Variants in CNTNAP3B observed in about 807,000 individuals in gnomAD.
CNTNAP3B encodes the protein contactin-associated protein-like 3B.
A neutral mutation model predicts 108.9 loss-of-function variants in CNTNAP3B; 25 were observed. The observed-to-expected ratio is 0.23, with a 90% CI of 0.17 to 0.32. The LOEUF is 0.32. Ranked by LOEUF, CNTNAP3B falls within the 10% of genes least tolerant of loss-of-function variation. CNTNAP3B has a pLI of 1.00. For synonymous variants in CNTNAP3B, 103 were observed against 473.4 expected (o/e 0.22, Z 10.16); for missense variants, 252 against 1,210.4 (o/e 0.21, Z 11.75).
At chr9:41,950,980 T>G in intron 13 of CNTNAP3B, among the ~76,000 whole-genome samples, 1 of 134,660 alleles carries the variant, frequency 7.4e-6, no homozygotes, top group African/African-American at 2.8e-5. Flanking sequence ...TGGTCTGATT[T>G]CCTGACCTCG....
chr9:41,926,253 G>C (rs1165249214), intron 15 of CNTNAP3B, among the ~76,000 whole-genome samples: 1 of 152,062 alleles, frequency 6.6e-6, no homozygotes, highest in African/African-American at 2.4e-5. Context: ...CCCCAGTGTG[G>C]AACCTAGCTT....
At chr9:41,934,214 CAT>C (rs1297909390) in intron 14 of CNTNAP3B, among the ~76,000 whole-genome samples, 9 of 123,966 alleles carry the variant, frequency 7.3e-5, no homozygotes, top group African/African-American at 1.7e-4. Context: ...CACACACACA[CAT>C]ACTTTTTTTT....
intron 12 of CNTNAP3B, among the ~76,000 whole-genome samples, chr9:41,959,456 C>A (rs1319498004): frequency 1.3e-5 from 2 of 152,290 alleles, no homozygotes; most frequent in South Asian, 4.1e-4. Context: ...AGATACTTCC[C>A]TAACCAACTT....
At chr9:42,046,210 TA>T (rs1229993900) in intron 3 of CNTNAP3B, among the ~76,000 whole-genome samples, 1 of 105,142 alleles carries the variant, frequency 9.5e-6, no homozygotes, top group Non-Finnish European at 1.9e-5. Flanking sequence ...CACCTACTTA[TA>T]AACTGAGGGA....
intron 3 of CNTNAP3B, among the ~76,000 whole-genome samples, chr9:42,064,269 A>G (rs1347187012): frequency 6.7e-6 from 1 of 149,888 alleles, no homozygotes; most frequent in Non-Finnish European, 1.5e-5. Flanking sequence ...AGTTCTGGAG[A>G]CTGGGATGCT....
chr9:42,109,008 A>G (rs1006303283), intron 1 of CNTNAP3B, among the ~76,000 whole-genome samples: 4 of 139,554 alleles, frequency 2.9e-5, no homozygotes, highest in Admixed American at 2.8e-4. Flanking sequence ...ATGAATATGA[A>G]ATGATTAAAA....
intron 11 of CNTNAP3B, among the ~76,000 whole-genome samples, chr9:41,963,595 GTTGGTTACAAGAGA>G (rs1825171797): frequency 6.6e-6 from 1 of 151,460 alleles, no homozygotes; most frequent in African/African-American, 2.4e-5. Context: ...CATGAGGAAG[GTTGGTTACAAGAGA>G]CTCGGGGCCC....
chr9:41,948,034 GA>G (rs201395297), intron 13 of CNTNAP3B, among the ~76,000 whole-genome samples: 1 of 148,358 alleles, frequency 6.7e-6, no homozygotes, highest in Non-Finnish European at 1.5e-5. Context: ...TAAAATTACT[GA>G]AAAAAAATCT....
intron 1 of CNTNAP3B, among the ~76,000 whole-genome samples, chr9:42,115,902 C>T (rs1454587623): frequency 7.9e-6 from 1 of 127,072 alleles, no homozygotes; most frequent in Non-Finnish European, 1.6e-5. Context: ...TTCAGATGAT[C>T]GGTAATAACA....
Position 42,079,896 on chromosome 9 carries a change from T to C in CNTNAP3B, c.197-2834A>G, listed in dbSNP as rs1006395386. ...AGCCAACCCATCATCTTAGGCTGGA[T>C]GTTGTACATTGGGAATTTTATACAC... On this transcript the variant is annotated intron_variant, in intron 2 of 23. Transcript: ENST00000377561. Among the ~76,000 whole-genome samples the C allele has an allele frequency of 5.3e-5, 7 of 132,846 alleles. 1 individual carries two copies. Among genetic ancestry groups the C allele is most frequent in the African/African-American group, 2.1e-4 (7 of 32,610 alleles). 87.2% of individuals were successfully genotyped at this position (132,846 alleles called of 152,430 possible). A position where few individuals can be genotyped will look rare whatever the true frequency, so the allele number is the denominator to read the frequency against.
chr9:42,044,483 G>C (rs1472194232), intron 3 of CNTNAP3B, among the ~76,000 whole-genome samples: 2 of 128,140 alleles, frequency 1.6e-5, no homozygotes, highest in African/African-American at 6.1e-5. Context: ...CCTTTTATGG[G>C]GATTCTTATC....
intron 10 of CNTNAP3B, among the ~76,000 whole-genome samples, chr9:41,967,533 A>G (rs1316364983): frequency 6.6e-6 from 1 of 152,258 alleles, no homozygotes; most frequent in African/African-American, 2.4e-5. Context: ...ATACAATTAG[A>G]TTTTTGTTTG....
chr9:41,941,672 A>C (rs1320860649), intron 13 of CNTNAP3B, among the ~76,000 whole-genome samples: 1 of 139,862 alleles, frequency 7.1e-6, no homozygotes, highest in Non-Finnish European at 1.5e-5. Flanking sequence ...GGCAAACATT[A>C]CTCCTAAAGC....
rs1230227074 is a variant in CNTNAP3B at position 42,076,956 on chromosome 9, C to T, written c.303G>A (p.Gly101=). The T allele has an allele frequency of 6.6e-7, 1 of 1,522,994 alleles. No homozygotes were observed. The highest frequency in any genetic ancestry group is 1.2e-5 in the South Asian group (1 of 85,714). 94.3% of individuals were successfully genotyped at this position (1,522,994 alleles called of 1,614,324 possible). ...GGTAGCTGGTCACCCAGTCAGAGCT[C>T]CCATATCCTCCTTGGGTGGCGACAG... ...VTAVATQGGY[G]SSDWVTSYLL... The change falls in exon 3 of 24, where the codon GGG becomes GGA. Residue 101 remains glycine (G), a synonymous_variant. Coordinates refer to ENST00000377561, the MANE Select transcript of CNTNAP3B (RefSeq NM_001201380.3).
chr9:42,088,811 G>A (rs1827758509), intron 2 of CNTNAP3B, among the ~76,000 whole-genome samples: 1 of 139,076 alleles, frequency 7.2e-6, no homozygotes, highest in Non-Finnish European at 1.5e-5. Flanking sequence ...TACTTTTCAG[G>A]TCCTTTGTTG....
chr9:41,922,081 G>A (rs1035614551), intron 17 of CNTNAP3B, among the ~76,000 whole-genome samples: 1 of 142,342 alleles, frequency 7.0e-6, no homozygotes, highest in African/African-American at 2.7e-5. Flanking sequence ...GGCTATCCTG[G>A]GATCTCTCTC....
At chr9:41,932,543 G>A (rs1316440473) in intron 14 of CNTNAP3B, among the ~76,000 whole-genome samples, 1 of 147,956 alleles carries the variant, frequency 6.8e-6, no homozygotes, top group East Asian at 2.0e-4. Context: ...TTTCGAGACA[G>A]AGTCTCACTC....
intron 3 of CNTNAP3B, among the ~76,000 whole-genome samples, chr9:42,030,779 AGAGAGATGTGTGC>A (rs1826503447): frequency 1.0e-4 from 12 of 116,114 alleles, no homozygotes; most frequent in South Asian, 2.9e-4. Context: ...AGAGAGAGAG[AGAGAGATGTGTGC>A]GAGAGAGAGA....
Position 41,938,794 on chromosome 9 carries a change from G to C in CNTNAP3B, c.2081-394C>G, listed in dbSNP as rs1433196443. On this transcript the variant is annotated intron_variant, in intron 13 of 23. Coordinates refer to ENST00000377561, the MANE Select transcript of CNTNAP3B (RefSeq NM_001201380.3). ...TTGAGAAAGTTTAATATTATACAAA[G>C]ACATTGATTTATCTCATCCCATCTT... Among the ~76,000 whole-genome samples, 193 of 152,278 alleles carry C rather than the reference G, an allele frequency of 1.3e-3. 2 individuals carry two copies. In the East Asian group the frequency reaches 0.036, roughly 28 times the overall value.
Sources: gnomAD v4.1 joint callset for allele counts (sites outside exome capture counted in the v4.1 genomes callset) on GRCh38, gnomAD v4.1.1 for gene constraint, MANE v1.5 for transcripts, NCBI Gene and HGNC (gene_info 2026-07-23, HGNC 2026-07-21) for gene names.